Variants in SMAD1 observed in about 807,000 individuals in gnomAD.
SMAD1 encodes the protein MAD, mothers against decapentaplegic homolog 1.
A neutral mutation model predicts 41.6 loss-of-function variants in SMAD1; 6 were observed. That is an observed-to-expected ratio of 0.14 (90% confidence interval 0.08 to 0.28). The LOEUF (loss-of-function observed/expected upper bound fraction) is 0.28, where lower values mean the gene tolerates loss of function less well. Among genes scored for constraint, SMAD1 ranks in the 10% least tolerant of loss-of-function variants. The pLI, the probability that SMAD1 is intolerant of heterozygous loss-of-function variation, is 1.00. For synonymous variants in SMAD1, 206 were observed against 203.2 expected, an observed-to-expected ratio of 1.01 and a Z score of -0.12; for missense variants, 379 against 582.6, an observed-to-expected ratio of 0.65 and a Z score of 3.60.
In SMAD1 at chr4:145,539,989, C is replaced by T; in HGVS notation, c.586C>T (p.Pro196Ser). ...TCCCAATAGCAGTTACCCAAACTCTCCTGGGAGCAGCAGCAGCACCTACCC... is the reference window on the plus strand; with the variant it reads ...TCCCAATAGCAGTTACCCAAACTCTTCTGGGAGCAGCAGCAGCACCTACCC... ...HSPNSSYPNS[P>S]GSSSSTYPHS... Residue 196 changes from proline to serine, a missense_variant, in exon 3 of 7, where the codon CCT becomes TCT. By Grantham distance (74) the Pro-to-Ser change is moderately conservative. Around this residue, in one of 3 missense-constraint regions of SMAD1, gnomAD observed 208 missense variants for 210.5 expected, o/e 0.99. Transcript: ENST00000302085. 1.9e-6 allele frequency: 3 copies of T among 1,614,146 alleles called. No homozygotes were observed. Among genetic ancestry groups the T allele is most frequent in the Non-Finnish European group, 2.5e-6 (3 of 1,180,012 alleles).
chr4:145,506,317 C>A (rs1307793114), intron 1 of SMAD1, among the ~76,000 whole-genome samples: 2 of 152,078 alleles, frequency 1.3e-5, no homozygotes, highest in African/African-American at 4.8e-5. Context: ...AACCAAAGAA[C>A]AAGAAGTAGG....
At chr4:145,491,866 G>A (rs934532072) in intron 1 of SMAD1, among the ~76,000 whole-genome samples, 1 of 152,186 alleles carries the variant, frequency 6.6e-6, no homozygotes, top group Admixed American at 6.5e-5. Flanking sequence ...CTGAATTGCA[G>A]TATTAGATTT....
intron 1 of SMAD1, among the ~76,000 whole-genome samples, chr4:145,513,556 A>G (rs1458393713): frequency 6.7e-6 from 1 of 148,440 alleles, no homozygotes; most frequent in East Asian, 1.9e-4. Context: ...TGTATTTCCT[A>G]TCCTATTTGT....
At chr4:145,505,306 G>C (rs1266067951) in intron 1 of SMAD1, among the ~76,000 whole-genome samples, 1 of 152,170 alleles carries the variant, frequency 6.6e-6, no homozygotes, top group Non-Finnish European at 1.5e-5. Context: ...TGGATGTTAG[G>C]ATAGATGACA....
At chr4:145,520,639 A>G (rs917125613) in intron 2 of SMAD1, among the ~76,000 whole-genome samples, 7 of 152,240 alleles carry the variant, frequency 4.6e-5, no homozygotes, top group Non-Finnish European at 1.0e-4. Context: ...TCTGATATTC[A>G]TTAAGATGAG....
At chr4:145,489,073 T>A (rs925102098) in intron 1 of SMAD1, among the ~76,000 whole-genome samples, 2 of 152,234 alleles carry the variant, frequency 1.3e-5, no homozygotes, top group Admixed American at 6.5e-5. Context: ...ATGGAAATGT[T>A]CCACATCTGT....
intron 6 of SMAD1, among the ~76,000 whole-genome samples, chr4:145,556,319 A>G (rs1022946166): frequency 2.6e-5 from 4 of 152,214 alleles, no homozygotes; most frequent in Non-Finnish European, 5.9e-5. Context: ...AAACCTGCAC[A>G]TAAGCCTGTA....
chr4:145,488,811 T>C (rs1185652321), intron 1 of SMAD1, among the ~76,000 whole-genome samples: 1 of 152,206 alleles, frequency 6.6e-6, no homozygotes, highest in Non-Finnish European at 1.5e-5. Flanking sequence ...GTTCTGAGGC[T>C]TAATAATTAG....
At chr4:145,556,087 T>C (rs943444887) in intron 6 of SMAD1, among the ~76,000 whole-genome samples, 1 of 152,234 alleles carries the variant, frequency 6.6e-6, no homozygotes, top group African/African-American at 2.4e-5. Flanking sequence ...TAGAACATTT[T>C]ACTAACAATA....
chr4:145,520,082 T>C (rs1177885646), intron 2 of SMAD1, among the ~76,000 whole-genome samples: 1 of 152,196 alleles, frequency 6.6e-6, no homozygotes, highest in African/African-American at 2.4e-5. Flanking sequence ...ATGGCTGTTA[T>C]CAAAAAGATG....
In SMAD1 at chr4:145,557,971, C is replaced by A. The variant is rs564825332; in HGVS notation, c.*37C>A. The A allele has an allele frequency of 8.7e-5, 134 of 1,535,358 alleles. 3 individuals are homozygous for A. The South Asian group carries it at 1.5e-3, about 17-fold the overall frequency. On this transcript the variant is annotated 3_prime_UTR_variant, in exon 7 of 7. Transcript: ENST00000302085. Reference sequence around the variant, plus strand: ...CATCTGCCTCTGGAAAACTATTGAGCCTTGCATGTACTTGAAGGATGGATG... The same window carrying A: ...CATCTGCCTCTGGAAAACTATTGAGACTTGCATGTACTTGAAGGATGGATG...
chr4:145,553,910 C>T lies in SMAD1; in HGVS notation c.1124C>T (p.Pro375Leu). 4 of 1,614,044 alleles carry T rather than the reference C, an allele frequency of 2.5e-6. No homozygotes were observed. Among genetic ancestry groups the T allele is most frequent in the South Asian group, 1.1e-5 (1 of 91,080 alleles). Residue 375 changes from proline (P) to leucine (L), a missense_variant, in exon 6 of 7, where the codon CCT (proline) becomes CTT (leucine). Pro to Leu is a moderately conservative substitution (Grantham distance 98). Coordinates refer to ENST00000302085, the MANE Select transcript of SMAD1 (RefSeq NM_005900.3). ...GFHPTTVCKI[P>L]SGCSLKIFNN... ...CATCCTACTACTGTTTGCAAGATCC[C>T]TAGTGGGTGTAGTCTGAAAATTTTT...
At chr4:145,488,452 A>G (rs1458546087) in intron 1 of SMAD1, among the ~76,000 whole-genome samples, 2 of 151,048 alleles carry the variant, frequency 1.3e-5, no homozygotes, top group Admixed American at 6.6e-5. Context: ...CCAACTATTC[A>G]TGTATTATCC....
chr4:145,495,997 C>G (rs920022927), intron 1 of SMAD1, among the ~76,000 whole-genome samples: 1 of 152,114 alleles, frequency 6.6e-6, no homozygotes, highest in Non-Finnish European at 1.5e-5. Flanking sequence ...TGAACACATA[C>G]AAGAGCTAAT....
chr4:145,536,759 G>A (rs1337662501), intron 2 of SMAD1, among the ~76,000 whole-genome samples: 3 of 152,080 alleles, frequency 2.0e-5, no homozygotes, highest in East Asian at 1.9e-4. Flanking sequence ...ACACAGTCTC[G>A]TGGTATCTCT....
At chr4:145,543,730 G>A (rs745351893) in intron 4 of SMAD1, among the ~76,000 whole-genome samples, 8 of 152,140 alleles carry the variant, frequency 5.3e-5, no homozygotes, top group Non-Finnish European at 1.0e-4. Context: ...AAATAAGTTC[G>A]GTAGACTCTC....
At chr4:145,545,471 A>G (rs1732191968) in intron 4 of SMAD1, 1 of 152,036 alleles carries the variant, frequency 6.6e-6, no homozygotes, top group Non-Finnish European at 1.5e-5. Flanking sequence ...CAGGGAAGAT[A>G]GTGTATGTTT....
chr4:145,480,907 G>T (rs1230918533), upstream of SMAD1, among the ~76,000 whole-genome samples: 3 of 140,904 alleles, frequency 2.1e-5, no homozygotes, highest in Non-Finnish European at 4.5e-5. Flanking sequence ...GATATACATT[G>T]CTGGGAGTGA....
rs1489237490 is a variant in SMAD1, at chr4:145,512,527, CTATT to C, written c.-176-1908_-176-1905del. 1.1e-4 allele frequency among the ~76,000 whole-genome samples: 17 copies of C among 152,228 alleles called. No homozygotes were observed. The East Asian group carries it at 2.7e-3, about 24-fold the overall frequency. Reference sequence around the variant, plus strand: ...TATTTAACCTGTTGTTAAGTTCATCCTATTTAAAGTCTCATTAGTTATATTTTTC... The same window carrying C: ...TATTTAACCTGTTGTTAAGTTCATCCTAAAGTCTCATTAGTTATATTTTTC... On this transcript the variant is annotated intron_variant, in intron 1 of 6. Coordinates refer to ENST00000302085, the MANE Select transcript of SMAD1 (RefSeq NM_005900.3).
Sources: allele counts gnomAD v4.1 joint callset (sites outside exome capture counted in the v4.1 genomes callset), GRCh38; gene constraint gnomAD v4.1.1; regional missense constraint gnomAD v4.1.1; transcripts MANE v1.5; gene names NCBI Gene and HGNC (gene_info 2026-07-23, HGNC 2026-07-21).